The following SLC6A6 variants were observed in gnomAD, a reference collection of about 807,000 sequenced individuals.
SLC6A6 encodes sodium- and chloride-dependent taurine transporter.
In SLC6A6, 16 loss-of-function variants were observed where a neutral mutation model predicts 68.8. The ratio of observed to expected loss-of-function variants is 0.23; its 90% CI spans 0.16 to 0.35. SLC6A6 has a LOEUF of 0.35. SLC6A6 is among the 10% of genes least tolerant of loss of function. SLC6A6 has a pLI of 1.00. For synonymous variants in SLC6A6, 312 were observed against 315.4 expected (o/e 0.99, Z 0.12); for missense variants, 474 against 802.8 (o/e 0.59, Z 4.95).
chr3:14,443,431 C>T (rs1374593851), intron 2 of SLC6A6, among the ~76,000 whole-genome samples, 193 bp from the exon 3 acceptor site: 1 of 152,128 alleles, frequency 6.6e-6, no homozygotes, highest in Non-Finnish European at 1.5e-5. Context: ...ATCTTGAGGT[C>T]CCTGGTCCAT....
At position 14,422,356 on chromosome 3, in the gene SLC6A6, C is replaced by G. The variant is rs559665914; in HGVS notation, c.-12+5903C>G. 2.0e-4 allele frequency among the ~76,000 whole-genome samples: 30 copies of G among 152,282 alleles called. No individual in the cohort carries two copies. The South Asian group carries it at 6.0e-3, about 31-fold the overall frequency. On this transcript the variant is annotated intron_variant, in intron 2 of 14. Transcript: ENST00000622186. ...AAGTCACTAACCCTCTGTGTGACCT[C>G]TGATTCGCCATGGAAAAAAGAGTGA...
chr3:14,415,730 A>G (rs1699349613), intron 1 of SLC6A6, among the ~76,000 whole-genome samples: 1 of 151,956 alleles, frequency 6.6e-6, no homozygotes, highest in South Asian at 2.1e-4. Flanking sequence ...GCTCCAAAAA[A>G]AGTCTTCTGG....
intron 5 of SLC6A6, among the ~76,000 whole-genome samples, chr3:14,454,570 GC>G (rs1700328081): frequency 6.6e-6 from 1 of 152,176 alleles, no homozygotes; most frequent in Non-Finnish European, 1.5e-5. Flanking sequence ...AATGTCGGTT[GC>G]TCTGGCCCTG....
intron 14 of SLC6A6, 84 bp from the exon 15 acceptor site, chr3:14,484,783 A>G (rs1194700454): frequency 3.4e-5 from 49 of 1,443,768 alleles, no homozygotes; most frequent in East Asian, 6.9e-5. Flanking sequence ...ACATGAGCCA[A>G]TTCAGGAGGA....
In SLC6A6 at chr3:14,481,814, C is replaced by T; in HGVS notation, c.1695C>T (p.Leu565=). 1.2e-6 allele frequency: 2 copies of T among 1,614,128 alleles called. No individual in the cohort carries two copies. Among genetic ancestry groups the T allele is most frequent in the Non-Finnish European group, 8.5e-7 (1 of 1,179,982 alleles). Residue 565 remains leucine (L), a synonymous_variant, in exon 14 of 15, where the codon CTC becomes CTT. Transcript: ENST00000622186. This position sits in a 1 kb window ranked among gnomAD's most constrained non-coding sequence, Gnocchi z 4.7. ...LCVPLVIVIR[L]CQTEGPFLVR... is the part of the protein sequence containing the mutation. The stretch of plus-strand genomic sequence containing the variant: ...TTCCCTTGGTCATCGTCATCCGCCT[C>T]TGCCAGACTGAGGGGCCGTTCCTTG...
At chr3:14,432,166 C>T (rs1014140840) in intron 2 of SLC6A6, among the ~76,000 whole-genome samples, 2 of 152,224 alleles carry the variant, frequency 1.3e-5, no homozygotes, top group African/African-American at 4.8e-5. Context: ...CTCTGCTTTT[C>T]ATAGCCAACA....
At chr3:14,435,213 T>A (rs2124930079) in intron 2 of SLC6A6, among the ~76,000 whole-genome samples, 1 of 152,322 alleles carries the variant, frequency 6.6e-6, no homozygotes, top group South Asian at 2.1e-4. Flanking sequence ...CTGTGGGACC[T>A]GGGATAAGGC....
chr3:14,404,901 C>G (rs1185286876), intron 1 of SLC6A6, among the ~76,000 whole-genome samples: 4 of 152,216 alleles, frequency 2.6e-5, no homozygotes, highest in African/African-American at 4.8e-5. Flanking sequence ...CTGCAATCAT[C>G]CTCCCCTGCC....
intron 10 of SLC6A6, among the ~76,000 whole-genome samples, chr3:14,474,352 C>CT (rs1700823881): frequency 6.6e-6 from 1 of 152,174 alleles, no homozygotes; most frequent in South Asian, 2.1e-4. Context: ...TGGCAGGCTT[C>CT]TGTGTGTGCG....
intron 5 of SLC6A6, among the ~76,000 whole-genome samples, 192 bp from the exon 6 acceptor site, chr3:14,457,758 C>CCTTTT (rs1227697009): frequency 6.6e-6 from 1 of 152,212 alleles, no homozygotes; most frequent in Non-Finnish European, 1.5e-5. Flanking sequence ...CTGAGTCTAT[C>CCTTTT]CTTTTCTTTT....
At chr3:14,411,789 C>CAAAT (rs1699257281) in intron 1 of SLC6A6, among the ~76,000 whole-genome samples, 3 of 152,228 alleles carry the variant, frequency 2.0e-5, no homozygotes, top group Admixed American at 2.0e-4. Flanking sequence ...ATCCATCTCA[C>CAAAT]AAATATTCAC....
chr3:14,415,756 G>A (rs1468353730), intron 1 of SLC6A6, among the ~76,000 whole-genome samples: 1 of 152,128 alleles, frequency 6.6e-6, no homozygotes, highest in East Asian at 1.9e-4. Context: ...TCACGTCCGG[G>A]ACTGCTTGGC....
chr3:14,426,631 T>C (rs1245849666), intron 2 of SLC6A6, among the ~76,000 whole-genome samples: 1 of 152,176 alleles, frequency 6.6e-6, no homozygotes, highest in African/African-American at 2.4e-5. Flanking sequence ...TTCTATTAGC[T>C]AGAATTATGT....
At position 14,479,126 on chromosome 3, in the gene SLC6A6, T is replaced by C; in HGVS notation, c.1492T>C (p.Tyr498His). The C allele has an allele frequency of 6.2e-7, 1 of 1,613,640 alleles. No individual in the cohort carries two copies. The highest frequency in any genetic ancestry group is 8.5e-7 in the Non-Finnish European group (1 of 1,179,544). Residue 498 changes from tyrosine (Y) to histidine (H), a missense_variant, in exon 13 of 15, where the codon TAT becomes CAT. By Grantham distance (83) the Tyr-to-His change is moderately conservative. Around this residue, in one of 2 missense-constraint regions of SLC6A6, gnomAD observed 194 missense variants for 269.8 expected, o/e 0.72. Transcript: ENST00000622186. The part of the protein sequence containing the change: ...LYDGIEDMIG[Y>H]RPGPWMKYSW... ...TGATGGTATTGAGGACATGATTGGC[T>C]ATCGGCCCGGGCCCTGGATGAAGTA...
intron 14 of SLC6A6, among the ~76,000 whole-genome samples, chr3:14,482,595 C>T (rs1015972430): frequency 1.3e-5 from 2 of 152,166 alleles, no homozygotes; most frequent in African/African-American, 4.8e-5. Flanking sequence ...AAATCTGGAG[C>T]CAGGATGTCC....
At chr3:14,443,907 C>G in intron 3 of SLC6A6, 44 bp downstream of exon 3, 1 of 1,390,878 alleles carries the variant, frequency 7.2e-7, no homozygotes. Flanking sequence ...CAGTACAAAG[C>G]CGCCTTAGAG....
intron 1 of SLC6A6, among the ~76,000 whole-genome samples, chr3:14,403,087 TGTGTGTGTGTG>T (rs1553564934): frequency 3.9e-4 from 11 of 27,944 alleles, no homozygotes; most frequent in Admixed American, 8.8e-4. Flanking sequence ...AGTGTGTGTG[TGTGTGTGTGTG>T]TGTGTGTGTG....
Position 14,478,585 on chromosome 3 carries a change from T to C in SLC6A6, c.1450+17T>C. ...GGATATATGGTGAGTACAGATTTTT[T>C]CATGTCCTTTCTCAAGGCTCTCCTT... On this transcript the variant is annotated intron_variant, in intron 12 of 14. Transcript: ENST00000622186. The C allele has an allele frequency of 6.9e-7, 1 of 1,441,464 alleles. No individual in the cohort carries two copies. Among genetic ancestry groups the C allele is most frequent in the African/African-American group, 1.4e-5 (1 of 71,622 alleles). The allele number at this position is 1,441,464 out of a possible 1,614,324, so 89.3% of individuals were successfully genotyped here.
Position 14,402,636 on chromosome 3 carries a change from G to A in SLC6A6, c.-265G>A, listed in dbSNP as rs867828290. 4.3e-5 allele frequency: 17 copies of A among 397,982 alleles called. No individual in the cohort carries two copies. In the South Asian group the frequency reaches 8.9e-4, roughly 21 times the overall value. 24.7% of individuals were successfully genotyped at this position (397,982 alleles called of 1,614,324 possible). A position where few individuals can be genotyped will look rare whatever the true frequency, so the allele number is the denominator to read the frequency against. On this transcript the variant is annotated 5_prime_UTR_variant, in exon 1 of 15. Coordinates refer to ENST00000622186, the MANE Select transcript of SLC6A6 (RefSeq NM_003043.6). The surrounding 1 kb of genome is among the most constrained non-coding windows in gnomAD (Gnocchi z 4.8). ...CTGCCTGCTCAGACAACAGACACGC[G>A]AGGTCAGGAAGAAGCCGCTTATAAA...
Sources: allele counts gnomAD v4.1 joint callset (sites outside exome capture counted in the v4.1 genomes callset), GRCh38; gene constraint gnomAD v4.1.1; regional missense constraint gnomAD v4.1.1; non-coding constraint Gnocchi (gnomAD v3.1); transcripts MANE v1.5; gene names NCBI Gene and HGNC (gene_info 2026-07-23, HGNC 2026-07-21).